DLGAP1: variants seen among roughly 807,000 people sequenced by gnomAD.
DLGAP1 encodes disks large-associated protein 1.
A neutral mutation model predicts 90.8 loss-of-function variants in DLGAP1; 11 were observed. The ratio of observed to expected loss-of-function variants is 0.12; its 90% CI spans 0.08 to 0.20. The LOEUF (loss-of-function observed/expected upper bound fraction) is 0.20, where lower values mean the gene tolerates loss of function less well. Ranked by LOEUF, DLGAP1 falls within the 10% of genes least tolerant of loss-of-function variation. DLGAP1 has a pLI of 1.00. For synonymous variants in DLGAP1, 558 were observed against 540.7 expected (o/e 1.03, Z -0.44); for missense variants, 1,050 against 1,333.8 (o/e 0.79, Z 3.31).
intron 11 of DLGAP1, 71 bp downstream of exon 11, chr18:3,508,499 T>C (rs1193631253): frequency 9.0e-7 from 1 of 1,114,984 alleles, no homozygotes; most frequent in Admixed American, 2.8e-5. Context: ...TTACTTTAGT[T>C]GGGCCAGTCT....
At chr18:4,347,905 T>C (rs1303094494) in intron 1 of DLGAP1, among the ~76,000 whole-genome samples, 2 of 75,614 alleles carry the variant, frequency 2.6e-5, no homozygotes, top group Non-Finnish European at 6.6e-5. Context: ...TGAAAAACAC[T>C]TAAGAATCAA....
intron 7 of DLGAP1, among the ~76,000 whole-genome samples, chr18:3,632,440 T>TACAG (rs2058558120): frequency 6.6e-6 from 1 of 152,116 alleles, no homozygotes. Context: ...TAGCTGGGAT[T>TACAG]ACAGACTCAC....
At chr18:4,423,881 C>A (rs1163102778) in intron 1 of DLGAP1, among the ~76,000 whole-genome samples, 1 of 147,172 alleles carries the variant, frequency 6.8e-6, no homozygotes, top group Non-Finnish European at 1.5e-5. Context: ...AAGTCAGGCA[C>A]GTTGGCTCCC....
At chr18:4,355,358 T>C (rs184634978) in intron 1 of DLGAP1, among the ~76,000 whole-genome samples, 42 of 152,312 alleles carry the variant, frequency 2.8e-4, no homozygotes, top group African/African-American at 1.0e-3. Flanking sequence ...CCTTCAAAGG[T>C]TACATATGGT....
At chr18:3,718,926 GAAAAAAAAAA>G (rs58552058) in intron 7 of DLGAP1, among the ~76,000 whole-genome samples, 1 of 95,474 alleles carries the variant, frequency 1.0e-5, no homozygotes, top group South Asian at 3.8e-4. Flanking sequence ...GACTTTGTCT[GAAAAAAAAAA>G]AAAAAAAAAG....
chr18:4,336,254 T>C (rs2081065485), intron 1 of DLGAP1, among the ~76,000 whole-genome samples: 1 of 152,192 alleles, frequency 6.6e-6, no homozygotes, highest in Non-Finnish European at 1.5e-5. Context: ...AAGTGAATAA[T>C]TCCAGGTTGA....
At chr18:3,776,130 G>C (rs912043976) in intron 5 of DLGAP1, among the ~76,000 whole-genome samples, 2 of 152,202 alleles carry the variant, frequency 1.3e-5, no homozygotes, top group Non-Finnish European at 2.9e-5. Flanking sequence ...AAGATGGTAA[G>C]TTTGTGCATT....
At chr18:3,784,368 C>T (rs1312785698) in intron 5 of DLGAP1, among the ~76,000 whole-genome samples, 1 of 152,142 alleles carries the variant, frequency 6.6e-6, no homozygotes, top group Non-Finnish European at 1.5e-5. Context: ...CAACCTCTAT[C>T]CTAGCCTTCT....
In DLGAP1 at chr18:3,818,162, C is replaced by A. The variant is rs1335869158; in HGVS notation, c.958-3889G>T. Among the ~76,000 whole-genome samples the A allele has an allele frequency of 2.0e-5, 3 of 152,136 alleles. No individual in the cohort carries two copies. The East Asian group carries it at 5.8e-4, about 29-fold the overall frequency. On this transcript the variant is annotated intron_variant, in intron 4 of 12. Coordinates refer to ENST00000315677, the MANE Select transcript of DLGAP1 (RefSeq NM_004746.4). ...TTATGTTTAAGCATTAGCACTCCAA[C>A]AGAGATCTTAATTTTTGATGAAACA...
In DLGAP1 at chr18:3,499,524, A is replaced by G. The variant is rs1158593946; in HGVS notation, c.2725-130T>C. 4.6e-6 allele frequency: 4 copies of G among 873,068 alleles called. No homozygotes were observed. The highest frequency in any genetic ancestry group is 5.1e-6 in the Non-Finnish European group (3 of 587,980). The allele number at this position is 873,068 out of a possible 1,614,324, so 54.1% of individuals were successfully genotyped here. A position where few individuals can be genotyped will look rare whatever the true frequency, so the allele number is the denominator to read the frequency against. On this transcript the variant is annotated intron_variant, in intron 12 of 12. Transcript: ENST00000315677. The surrounding 1 kb of genome is among the most constrained non-coding windows in gnomAD (Gnocchi z 6.4). ...TGGTTAGTTCTGATCTGCACACTGC[A>G]TATCTACTTTTTTCTTCATTATTCT...
In DLGAP1 at chr18:4,084,854, G is replaced by C. The variant is rs1375075046; in HGVS notation, c.-159+66326C>G. Among the ~76,000 whole-genome samples the C allele has an allele frequency of 6.6e-6, 1 of 152,146 alleles. No homozygotes were observed. The highest frequency in any genetic ancestry group is 1.5e-5 in the Non-Finnish European group (1 of 68,024). On this transcript the variant is annotated intron_variant, in intron 2 of 12. Coordinates refer to ENST00000315677, the MANE Select transcript of DLGAP1 (RefSeq NM_004746.4). This position sits in a 1 kb window ranked among gnomAD's most constrained non-coding sequence, Gnocchi z 4.0. ...TTTTAGACCCAGCCAAGGGACCCTAGGAAGAGTGAAGGAAAGCCTTTCCTC... is the reference window on the plus strand; with the variant it reads ...TTTTAGACCCAGCCAAGGGACCCTACGAAGAGTGAAGGAAAGCCTTTCCTC...
At chr18:3,699,749 C>T (rs984968426) in intron 7 of DLGAP1, among the ~76,000 whole-genome samples, 4 of 152,190 alleles carry the variant, frequency 2.6e-5, no homozygotes, top group African/African-American at 9.7e-5. Context: ...CTGCCCCTTC[C>T]CCCAGGTGCT....
chr18:4,072,236 G>A (rs1210258895), intron 2 of DLGAP1, among the ~76,000 whole-genome samples: 1 of 151,670 alleles, frequency 6.6e-6, no homozygotes, highest in Non-Finnish European at 1.5e-5. Flanking sequence ...TAATTTAGGG[G>A]CACAAAAAAA....
At chr18:4,166,841 GA>G (rs1418079004) in intron 1 of DLGAP1, among the ~76,000 whole-genome samples, 1 of 152,190 alleles carries the variant, frequency 6.6e-6, no homozygotes, top group Non-Finnish European at 1.5e-5. Context: ...CAAATTCAGA[GA>G]GACAAAAAGT....
intron 11 of DLGAP1, among the ~76,000 whole-genome samples, chr18:3,505,551 T>C (rs2050167186): frequency 6.7e-6 from 1 of 149,262 alleles, no homozygotes; most frequent in Non-Finnish European, 1.5e-5. Flanking sequence ...GGCAGGAGAA[T>C]TGCTTGAACC....
At chr18:4,269,563 C>T (rs893145769) in intron 1 of DLGAP1, among the ~76,000 whole-genome samples, 3 of 151,706 alleles carry the variant, frequency 2.0e-5, no homozygotes, top group African/African-American at 7.3e-5. Context: ...ACCGTGTTAG[C>T]CAGGATGGTC....
At chr18:4,147,717 G>A (rs918065343) in intron 2 of DLGAP1, among the ~76,000 whole-genome samples, 1 of 152,018 alleles carries the variant, frequency 6.6e-6, no homozygotes, top group Non-Finnish European at 1.5e-5. Flanking sequence ...TTACTGTTGG[G>A]AATTTTATGA....
At chr18:4,302,511 ATTTT>A (rs71160953) in intron 1 of DLGAP1, among the ~76,000 whole-genome samples, 1 of 151,756 alleles carries the variant, frequency 6.6e-6, no homozygotes, top group Non-Finnish European at 1.5e-5. Context: ...GTATTTTTAA[ATTTT>A]TTTTATTTTT....
At chr18:4,400,503 C>T (rs2082532238) in intron 1 of DLGAP1, among the ~76,000 whole-genome samples, 1 of 152,130 alleles carries the variant, frequency 6.6e-6, no homozygotes, top group South Asian at 2.1e-4. Context: ...TGGCTCTTTC[C>T]TGTGTCCCAT....
Sources: gnomAD v4.1 joint callset for allele counts (sites outside exome capture counted in the v4.1 genomes callset) on GRCh38, gnomAD v4.1.1 for gene constraint, Gnocchi (gnomAD v3.1) non-coding constraint, MANE v1.5 for transcripts, NCBI Gene and HGNC (gene_info 2026-07-23, HGNC 2026-07-21) for gene names.